SLC39A11: variants seen among roughly 807,000 people sequenced by gnomAD.
SLC39A11 encodes solute carrier family 39 member 11, also known as zinc transporter ZIP11.
SLC39A11 carries 33 observed loss-of-function variants against 36.1 expected under a neutral mutation model. The ratio of observed to expected loss-of-function variants is 0.91; its 90% CI spans 0.69 to 1.22. SLC39A11 has a LOEUF of 1.22. Among genes scored for constraint, SLC39A11 ranks in the 50% most tolerant of loss-of-function variants. The probability of loss-of-function intolerance (pLI) is 0.00; values close to 1 mark genes in which losing one functional copy is unlikely to be tolerated. For synonymous variants in SLC39A11, 166 were observed against 170.3 expected, an observed-to-expected ratio of 0.97 and a Z score of 0.20; for missense variants, 432 against 430.3, an observed-to-expected ratio of 1.00 and a Z score of -0.03.
chr17:72,913,854 T>C (rs2083170164), intron 5 of SLC39A11, among the ~76,000 whole-genome samples: 2 of 152,120 alleles, frequency 1.3e-5, no homozygotes, highest in African/African-American at 4.8e-5. Context: ...CATCTCCAGT[T>C]CCCATTGACA....
chr17:73,008,742 TC>T (rs935479764), intron 4 of SLC39A11, among the ~76,000 whole-genome samples: 2 of 152,078 alleles, frequency 1.3e-5, no homozygotes, highest in African/African-American at 4.8e-5. Context: ...AGTGGAATAT[TC>T]TTCATCCAAA....
intron 3 of SLC39A11, among the ~76,000 whole-genome samples, chr17:73,083,180 T>C (rs1384685845): frequency 1.3e-5 from 2 of 151,244 alleles, no homozygotes; most frequent in African/African-American, 4.9e-5. Context: ...TTGTGTAAGG[T>C]GGGAAAGGGA....
At chr17:72,939,503 C>A (rs919322582) in intron 5 of SLC39A11, among the ~76,000 whole-genome samples, 5 of 150,894 alleles carry the variant, frequency 3.3e-5, no homozygotes, top group East Asian at 3.9e-4. Context: ...TGGGTCTTTG[C>A]AGATGTAATT....
intron 3 of SLC39A11, among the ~76,000 whole-genome samples, chr17:73,044,469 C>T (rs2059206782): frequency 6.6e-6 from 1 of 152,180 alleles, no homozygotes; most frequent in African/African-American, 2.4e-5. Context: ...CTACACGATT[C>T]CTTTTAAGCA....
chr17:72,777,838 G>A (rs543931036), intron 6 of SLC39A11, among the ~76,000 whole-genome samples: 70 of 151,584 alleles, frequency 4.6e-4, no homozygotes, highest in African/African-American at 1.5e-3. Flanking sequence ...TATGCTTTAC[G>A]TACACTGTGT....
At chr17:73,062,475 A>AAAAAAAAAAAAAAAAAAAAAC (rs56021607) in intron 3 of SLC39A11, among the ~76,000 whole-genome samples, 1,793 of 86,824 alleles carry the variant, frequency 0.021, 406 homozygotes, top group Middle Eastern at 0.029. Context: ...AAAAAAAAAA[A>AAAAAAAAAAAAAAAAAAAAAC]AAACTTTAGG....
intron 6 of SLC39A11, among the ~76,000 whole-genome samples, chr17:72,837,183 C>T (rs2078590949): frequency 6.6e-6 from 1 of 152,084 alleles, no homozygotes; most frequent in African/African-American, 2.4e-5. Flanking sequence ...CAGCTGTCCG[C>T]AGACTTTTCA....
intron 5 of SLC39A11, among the ~76,000 whole-genome samples, chr17:72,891,019 CA>C (rs2081711776): frequency 7.0e-6 from 1 of 142,744 alleles, no homozygotes; most frequent in Non-Finnish European, 1.5e-5. Context: ...TGAAGAAATG[CA>C]AATAGCTCTC....
At chr17:72,782,122 G>A (rs2076338147) in intron 6 of SLC39A11, among the ~76,000 whole-genome samples, 1 of 152,110 alleles carries the variant, frequency 6.6e-6, no homozygotes, top group Admixed American at 6.6e-5. Flanking sequence ...TAAATCCAAT[G>A]ATAAGTCCTT....
intron 5 of SLC39A11, among the ~76,000 whole-genome samples, chr17:72,876,634 C>A (rs967113118): frequency 6.6e-6 from 1 of 152,074 alleles, no homozygotes; most frequent in Non-Finnish European, 1.5e-5. Flanking sequence ...ACAATGAAAC[C>A]CCTCACCTGT....
intron 6 of SLC39A11, among the ~76,000 whole-genome samples, chr17:72,835,305 G>A (rs998818916): frequency 2.6e-5 from 4 of 152,186 alleles, no homozygotes; most frequent in African/African-American, 7.2e-5. Flanking sequence ...CATCTGTGAC[G>A]TCCCCATTTA....
intron 6 of SLC39A11, among the ~76,000 whole-genome samples, chr17:72,847,357 G>A (rs2079096704): frequency 6.7e-6 from 1 of 150,074 alleles, no homozygotes; most frequent in Non-Finnish European, 1.5e-5. Context: ...AGCTGAGACT[G>A]CACCACTGCA....
chr17:72,800,459 C>T (rs2077047650), intron 6 of SLC39A11, among the ~76,000 whole-genome samples: 1 of 151,940 alleles, frequency 6.6e-6, no homozygotes, highest in Non-Finnish European at 1.5e-5. Context: ...TACAGGCACA[C>T]ACCACCACGC....
At chr17:72,813,353 T>A (rs1413505960) in intron 6 of SLC39A11, among the ~76,000 whole-genome samples, 1 of 152,228 alleles carries the variant, frequency 6.6e-6, no homozygotes. Context: ...TCTAAAAATT[T>A]CGATATTTTT....
chr17:72,689,522 G>C (rs925310671), intron 7 of SLC39A11, among the ~76,000 whole-genome samples: 1 of 152,266 alleles, frequency 6.6e-6, no homozygotes, highest in Admixed American at 6.5e-5. Context: ...ATTCACAATC[G>C]CCAAAAGGTA....
intron 6 of SLC39A11, among the ~76,000 whole-genome samples, chr17:72,797,568 A>T (rs1476637446): frequency 1.3e-5 from 2 of 152,142 alleles, no homozygotes; most frequent in African/African-American, 4.8e-5. Flanking sequence ...AGGGTTGAGG[A>T]GGGCGAATTG....
At chr17:72,694,682 G>T (rs2072205331) in intron 7 of SLC39A11, among the ~76,000 whole-genome samples, 2 of 152,260 alleles carry the variant, frequency 1.3e-5, no homozygotes, top group East Asian at 1.9e-4. Flanking sequence ...GAACCTTGTG[G>T]GCAGGGTGGG....
intron 3 of SLC39A11, among the ~76,000 whole-genome samples, chr17:73,058,665 G>A (rs574543220): frequency 3.9e-5 from 6 of 152,330 alleles, no homozygotes; most frequent in Non-Finnish European, 7.3e-5. Context: ...GGAGGTTGCA[G>A]TGAGTCGAGA....
At chr17:72,956,924 C>T (rs1429515178) in intron 4 of SLC39A11, among the ~76,000 whole-genome samples, 2 of 152,160 alleles carry the variant, frequency 1.3e-5, no homozygotes, top group African/African-American at 4.8e-5. Context: ...GTCAACTGGG[C>T]ATGGCTGCTC....
Sources: gnomAD v4.1 joint callset for allele counts (sites outside exome capture counted in the v4.1 genomes callset) on GRCh38, gnomAD v4.1.1 for gene constraint, MANE v1.5 for transcripts, NCBI Gene and HGNC (gene_info 2026-07-23, HGNC 2026-07-21) for gene names.